Variants in SPEF2 observed in about 807,000 individuals in gnomAD.
SPEF2 encodes sperm flagella and cilia-associated protein 2.
Under a neutral mutation model 224.6 loss-of-function variants are expected in SPEF2, and 187 were observed. The ratio of observed to expected loss-of-function variants is 0.83; its 90% CI spans 0.74 to 0.94. The LOEUF (loss-of-function observed/expected upper bound fraction) is 0.94. Among genes scored for constraint, SPEF2 ranks in the 40% least tolerant of loss-of-function variants. The pLI is 0.00. For missense variants in SPEF2, 2,170 were observed against 2,135.6 expected, an observed-to-expected ratio of 1.02 and a Z score of -0.32; for synonymous variants, 715 against 707.3, an observed-to-expected ratio of 1.01 and a Z score of -0.17.
chr5:35,673,536 A>G (rs762243917), intron 10 of SPEF2, among the ~76,000 whole-genome samples: 85 of 152,200 alleles, frequency 5.6e-4, no homozygotes, highest in Middle Eastern at 6.8e-3. Flanking sequence ...GCACTCAACC[A>G]TTTTCAGAGC....
intron 7 of SPEF2, among the ~76,000 whole-genome samples, chr5:35,655,028 T>C (rs1748768094): frequency 6.6e-6 from 1 of 152,244 alleles, no homozygotes; most frequent in Non-Finnish European, 1.5e-5. Flanking sequence ...AAAAGGAACC[T>C]AAAATCTGTA....
At chr5:35,633,773 T>C (rs1430201570) in intron 2 of SPEF2, among the ~76,000 whole-genome samples, 1 of 152,056 alleles carries the variant, frequency 6.6e-6, no homozygotes, top group South Asian at 2.1e-4. Context: ...TACTGTATTT[T>C]TTGAGTCATT....
chr5:35,655,842 A>G (rs1748885403), intron 7 of SPEF2, among the ~76,000 whole-genome samples: 2 of 152,250 alleles, frequency 1.3e-5, no homozygotes, highest in South Asian at 4.1e-4. Flanking sequence ...AATGCAAAGC[A>G]GAATAAGAGT....
intron 10 of SPEF2, among the ~76,000 whole-genome samples, chr5:35,680,976 A>G (rs924921746): frequency 1.3e-5 from 2 of 152,200 alleles, no homozygotes; most frequent in African/African-American, 4.8e-5. Flanking sequence ...ACAGTGCAAC[A>G]ACTTAAAATG....
intron 34 of SPEF2, among the ~76,000 whole-genome samples, chr5:35,806,046 C>T (rs11742689): frequency 0.025 from 3,879 of 152,230 alleles, 75 homozygotes; most frequent in Non-Finnish European, 0.04. Context: ...GGATCAATTC[C>T]TAGTTCTGTA....
chr5:35,735,800 T>C (rs1422645402), intron 21 of SPEF2, among the ~76,000 whole-genome samples: 1 of 152,270 alleles, frequency 6.6e-6, no homozygotes, highest in Non-Finnish European at 1.5e-5. Flanking sequence ...TTTCTGATTT[T>C]CATTATGCAC....
intron 2 of SPEF2, among the ~76,000 whole-genome samples, chr5:35,631,153 A>G (rs1389316524): frequency 1.3e-5 from 2 of 152,218 alleles, no homozygotes; most frequent in Non-Finnish European, 2.9e-5. Context: ...GGAGCAAGCC[A>G]CATCTTACAT....
intron 30 of SPEF2, among the ~76,000 whole-genome samples, chr5:35,787,260 CT>C (rs542133921): frequency 0.048 from 6,791 of 140,928 alleles, 209 homozygotes; most frequent in African/African-American, 0.084. Flanking sequence ...GCTTCACACC[CT>C]TTTTTTTTTT....
intron 1 of SPEF2, among the ~76,000 whole-genome samples, chr5:35,624,469 T>C (rs73078248): frequency 0.021 from 3,132 of 152,276 alleles, 107 homozygotes; most frequent in African/African-American, 0.072. Flanking sequence ...TAGAGGTGGG[T>C]GTCCTGAAAT....
chr5:35,628,579 C>CT lies in SPEF2; in HGVS notation c.161+22dup. 6.5e-7 allele frequency: 1 copy of CT among 1,538,654 alleles called. No individual in the cohort carries two copies. Among genetic ancestry groups the CT allele is most frequent in the South Asian group, 1.1e-5 (1 of 89,154 alleles). On this transcript the variant is annotated intron_variant, in intron 2 of 36. Transcript: ENST00000356031. ...GGACAGCAGGTTAGTGAGATTATTC[C>CT]TTTTTGTTGTTGTTGTTGTTTATTT... is the stretch of plus-strand genomic sequence containing the variant.
chr5:35,639,461 C>T (rs1746291673), intron 2 of SPEF2, among the ~76,000 whole-genome samples: 1 of 151,974 alleles, frequency 6.6e-6, no homozygotes, highest in Non-Finnish European at 1.5e-5. Context: ...GCAACTGGTG[C>T]CAGGGCTCAT....
rs546300030 is a variant in SPEF2, at chr5:35,812,488, TAAG to T, written c.5380-1971_5380-1969del. Among the ~76,000 whole-genome samples the T allele has an allele frequency of 2.5e-3, 388 of 152,268 alleles. 1 individual carries two copies. The highest frequency in any genetic ancestry group is 8.9e-3 in the African/African-American group (369 of 41,542). On this transcript the variant is annotated intron_variant, in intron 36 of 36. Coordinates refer to ENST00000356031, the MANE Select transcript of SPEF2 (RefSeq NM_024867.4). ...ATTAAGAAAATGATTTGTATAAATA[TAAG>T]AAGATCAGTGAGGATATTGGAACTG...
chr5:35,806,612 A>G (rs548581690), intron 34 of SPEF2, 95 bp from the exon 35 acceptor site: 10 of 1,460,330 alleles, frequency 6.8e-6, no homozygotes, highest in Non-Finnish European at 9.2e-6. Flanking sequence ...TCATTCATGA[A>G]AAGTGTGTGA....
rs906705175 is a variant in SPEF2 at position 35,725,452 on chromosome 5, A to G, written c.2915-2223A>G. The stretch of plus-strand genomic sequence containing the variant: ...CAACAACAACAACAACAACAAACAC[A>G]TAAAGCAGACTTTCCCTATCTTTTC... On this transcript the variant is annotated intron_variant, in intron 20 of 36. Coordinates refer to ENST00000356031, the MANE Select transcript of SPEF2 (RefSeq NM_024867.4). 2.0e-5 allele frequency among the ~76,000 whole-genome samples: 3 copies of G among 152,172 alleles called. No individual in the cohort carries two copies. In the East Asian group the frequency reaches 5.8e-4, roughly 29 times the overall value.
intron 30 of SPEF2, chr5:35,788,671 T>C (rs761765977): frequency 3.1e-5 from 22 of 703,020 alleles, no homozygotes; most frequent in Middle Eastern, 4.6e-4. Context: ...TGGTTGGTTT[T>C]GGAAGTGATG....
intron 8 of SPEF2, among the ~76,000 whole-genome samples, chr5:35,660,251 G>A (rs529604624): frequency 2.6e-5 from 4 of 152,040 alleles, no homozygotes; most frequent in South Asian, 2.1e-4. Context: ...TATTTAATCC[G>A]TTTGTCCACA....
At chr5:35,687,697 A>G (rs968923291) in intron 10 of SPEF2, among the ~76,000 whole-genome samples, 3 of 152,158 alleles carry the variant, frequency 2.0e-5, no homozygotes, top group African/African-American at 4.8e-5. Flanking sequence ...CCTTTGAGCG[A>G]TAACTAGGGG....
chr5:35,674,131 C>T (rs1374281382), intron 10 of SPEF2, among the ~76,000 whole-genome samples: 2 of 152,126 alleles, frequency 1.3e-5, no homozygotes, highest in Non-Finnish European at 2.9e-5. Context: ...TCAGCTCAGG[C>T]TGCTATAATA....
intron 23 of SPEF2, among the ~76,000 whole-genome samples, chr5:35,751,001 A>ATATATATATACG (rs375982083): frequency 0.14 from 12,927 of 91,036 alleles, 2,171 homozygotes; most frequent in East Asian, 0.22. Context: ...ATATATGTAT[A>ATATATATATACG]TATATATATA....
Sources: gnomAD v4.1 joint callset for allele counts (sites outside exome capture counted in the v4.1 genomes callset) on GRCh38, gnomAD v4.1.1 for gene constraint, MANE v1.5 for transcripts, NCBI Gene and HGNC (gene_info 2026-07-23, HGNC 2026-07-21) for gene names.